The following PRKCA variants were observed in gnomAD, a reference collection of about 807,000 sequenced individuals.
The protein encoded by PRKCA is protein kinase C alpha.
In PRKCA, 27 loss-of-function variants were observed where a neutral mutation model predicts 87.0. The observed-to-expected ratio is 0.31, with a 90% confidence interval of 0.23 to 0.43. PRKCA has a LOEUF of 0.43. Among genes scored for constraint, PRKCA ranks in the 20% least tolerant of loss-of-function variants. The pLI is 1.00. For missense variants in PRKCA, 518 were observed against 852.3 expected (o/e 0.61, Z 4.88); for synonymous variants, 329 against 311.1 (o/e 1.06, Z -0.61).
chr17:66,350,405 G>T (rs1455473788), intron 2 of PRKCA, among the ~76,000 whole-genome samples: 1 of 152,098 alleles, frequency 6.6e-6, no homozygotes, highest in African/African-American at 2.4e-5. Context: ...TGATTACAGG[G>T]GAGACCACTT....
At chr17:66,350,374 C>G (rs1907668832) in intron 2 of PRKCA, among the ~76,000 whole-genome samples, 1 of 151,992 alleles carries the variant, frequency 6.6e-6, no homozygotes, top group African/African-American at 2.4e-5. Context: ...GTCCGTGGAC[C>G]CACAGGAGAC....
rs2144467599 is a variant in PRKCA at position 66,810,308 on chromosome 17, A to G, written c.*6271A>G. On this transcript the variant is annotated 3_prime_UTR_variant, in exon 17 of 17. Coordinates refer to ENST00000413366, the MANE Select transcript of PRKCA (RefSeq NM_002737.3). ...CTAGAATATTCAAAATCAATCATGAAGGCAGTTACTATTTTGAGTCTAAAG... is the reference window on the plus strand; with the variant it reads ...CTAGAATATTCAAAATCAATCATGAGGGCAGTTACTATTTTGAGTCTAAAG... 1 of 152,344 alleles carries G rather than the reference A, an allele frequency of 6.6e-6. No individual in the cohort carries two copies. The highest frequency in any genetic ancestry group is 3.4e-3 in the Middle Eastern group (1 of 294). 9.4% of individuals were successfully genotyped at this position (152,344 alleles called of 1,614,324 possible).
chr17:66,351,656 T>G (rs1044979759), intron 2 of PRKCA, among the ~76,000 whole-genome samples: 1 of 152,220 alleles, frequency 6.6e-6, no homozygotes, highest in African/African-American at 2.4e-5. Context: ...TCATTAAATA[T>G]TAACTTTTTA....
chr17:66,306,130 A>G lies in PRKCA; in HGVS notation c.205+3A>G. ...GAAACAAGGCTTCCAGTGCCAAGGT[A>G]AGCTACCACTTTTGGTTTTATTTTC... On this transcript the variant is annotated splice_donor_region_variant and intron_variant, in intron 2 of 16. Coordinates refer to ENST00000413366, the MANE Select transcript of PRKCA (RefSeq NM_002737.3). The G allele has an allele frequency of 6.2e-7, 1 of 1,611,684 alleles. No homozygotes were observed.
intron 13 of PRKCA, among the ~76,000 whole-genome samples, chr17:66,763,377 T>C (rs1023131527): frequency 2.6e-5 from 4 of 152,102 alleles, no homozygotes; most frequent in Admixed American, 6.5e-5. Flanking sequence ...CAGTAGCAAG[T>C]GGAGGAGACA....
chr17:66,579,120 C>T (rs575478487), intron 3 of PRKCA, among the ~76,000 whole-genome samples: 2 of 152,312 alleles, frequency 1.3e-5, no homozygotes, highest in East Asian at 1.9e-4. Flanking sequence ...CCTGCTGTGG[C>T]GCTGGCACAC....
rs932533303 is a variant in PRKCA at position 66,352,688 on chromosome 17, C to T, written c.205+46561C>T. Reference sequence around the variant, plus strand: ...AAGTGATTCTCCTGCCTCAGCCTCCCGAGTAGCTGGGACTACAGGTGCGTG... The same window carrying T: ...AAGTGATTCTCCTGCCTCAGCCTCCTGAGTAGCTGGGACTACAGGTGCGTG... On this transcript the variant is annotated intron_variant, in intron 2 of 16. Transcript: ENST00000413366. Among the ~76,000 whole-genome samples the T allele has an allele frequency of 6.0e-5, 9 of 150,500 alleles. 1 individual carries two copies. The Middle Eastern group carries it at 0.014, about 229-fold the overall frequency.
At chr17:66,341,129 C>G (rs559183635) in intron 2 of PRKCA, among the ~76,000 whole-genome samples, 3 of 151,998 alleles carry the variant, frequency 2.0e-5, no homozygotes, top group Non-Finnish European at 4.4e-5. Context: ...GATACATTGC[C>G]GAATCAAAAT....
chr17:66,592,343 C>CAAAAAAAAAAAAAAA lies in PRKCA; in HGVS notation c.289-49008_289-48994dup, dbSNP rs71160581. Among the ~76,000 whole-genome samples the CAAAAAAAAAAAAAAA allele has an allele frequency of 5.0e-3, 414 of 82,324 alleles. 60 individuals are homozygous for CAAAAAAAAAAAAAAA. The highest frequency in any genetic ancestry group is 0.022 in the African/African-American group (378 of 17,124). The allele number at this position is 82,324 out of a possible 152,430, so 54.0% of individuals were successfully genotyped here. On this transcript the variant is annotated intron_variant, in intron 3 of 16. Transcript: ENST00000413366. The stretch of plus-strand genomic sequence containing the variant: ...GCACTCCAGTCTGGGTGATCCGTCT[C>CAAAAAAAAAAAAAAA]AAAAAAAAAAAAAAAAAAGTTACCA...
At chr17:66,532,543 T>C (rs1168111380) in intron 3 of PRKCA, among the ~76,000 whole-genome samples, 6 of 151,826 alleles carry the variant, frequency 4.0e-5, no homozygotes, top group Non-Finnish European at 1.5e-5. Flanking sequence ...TTTTTGTATT[T>C]TTAGTAGATA....
At chr17:66,735,023 G>T (rs1973991172) in intron 9 of PRKCA, among the ~76,000 whole-genome samples, 1 of 152,232 alleles carries the variant, frequency 6.6e-6, no homozygotes, top group Admixed American at 6.5e-5. Context: ...AAGAGATACT[G>T]ACATGGGGTC....
intron 5 of PRKCA, among the ~76,000 whole-genome samples, chr17:66,667,573 C>T (rs1220036664): frequency 6.6e-6 from 1 of 152,122 alleles, no homozygotes; most frequent in Non-Finnish European, 1.5e-5. Flanking sequence ...CCACCAGGTC[C>T]CTCCCACAAC....
At chr17:66,484,457 T>C (rs1177427971) in intron 2 of PRKCA, among the ~76,000 whole-genome samples, 4 of 152,180 alleles carry the variant, frequency 2.6e-5, no homozygotes, top group Admixed American at 6.5e-5. Flanking sequence ...AGATCCTAAA[T>C]TATATGAAAT....
intron 3 of PRKCA, among the ~76,000 whole-genome samples, chr17:66,541,307 G>A (rs1967979931): frequency 1.3e-5 from 2 of 152,130 alleles, no homozygotes; most frequent in South Asian, 2.1e-4. Context: ...GTGCTCCTGC[G>A]GCCCCCACCT....
chr17:66,453,748 G>C (rs960759302), intron 2 of PRKCA, among the ~76,000 whole-genome samples: 9 of 152,064 alleles, frequency 5.9e-5, no homozygotes, highest in African/African-American at 2.2e-4. Context: ...GACTCTTCTG[G>C]GTTGTTCTGA....
chr17:66,565,329 G>A (rs566413781), intron 3 of PRKCA, among the ~76,000 whole-genome samples: 2 of 152,266 alleles, frequency 1.3e-5, no homozygotes, highest in African/African-American at 4.8e-5. Context: ...GGGGAAAGCT[G>A]CTCTAAAGTT....
intron 2 of PRKCA, among the ~76,000 whole-genome samples, chr17:66,492,752 G>C (rs376423679): frequency 6.6e-6 from 1 of 152,208 alleles, no homozygotes; most frequent in Admixed American, 6.5e-5. Context: ...TCCGTCCTTC[G>C]AGAGTTTTGC....
chr17:66,781,889 T>TATATATATATATATATATATA (rs1568030784), intron 14 of PRKCA, among the ~76,000 whole-genome samples: 1 of 97,728 alleles, frequency 1.0e-5, no homozygotes, highest in African/African-American at 5.2e-5. Flanking sequence ...ATATATATAG[T>TATATATATATATATATATATA]GTGTGTGTGT....
chr17:66,657,251 C>G (rs568958837), intron 5 of PRKCA, among the ~76,000 whole-genome samples: 188 of 152,238 alleles, frequency 1.2e-3, no homozygotes, highest in African/African-American at 4.1e-3. Flanking sequence ...TTAATTAATG[C>G]AAGGTTTGTG....
Sources: allele counts gnomAD v4.1 joint callset (sites outside exome capture counted in the v4.1 genomes callset), GRCh38; gene constraint gnomAD v4.1.1; transcripts MANE v1.5; gene names NCBI Gene and HGNC (gene_info 2026-07-23, HGNC 2026-07-21).